The following JKAMP variants were observed in gnomAD, a reference collection of about 807,000 sequenced individuals.
JKAMP encodes the protein JNK1/MAPK8-associated membrane protein.
JKAMP carries 20 observed loss-of-function variants against 40.2 expected under a neutral mutation model. The observed-to-expected ratio is 0.50, with a 90% CI of 0.35 to 0.72. The LOEUF is 0.72. JKAMP is among the 30% of genes least tolerant of loss of function. The probability of loss-of-function intolerance (pLI) is 0.01; values close to 1 mark genes in which losing one functional copy is unlikely to be tolerated. For missense variants in JKAMP, 276 were observed against 373.0 expected, an observed-to-expected ratio of 0.74 and a Z score of 2.14; for synonymous variants, 138 against 131.6, an observed-to-expected ratio of 1.05 and a Z score of -0.33.
chr14:59,501,333 G>A (rs1171928079), intron 6 of JKAMP, 66 bp downstream of exon 6: 1 of 981,158 alleles, frequency 1.0e-6, no homozygotes, highest in Non-Finnish European at 1.6e-6. Flanking sequence ...TATCAGAATA[G>A]TCCATATGAT....
intron 5 of JKAMP, 184 bp from the exon 6 acceptor site, chr14:59,501,007 T>C (rs1891837584): frequency 1.8e-6 from 1 of 541,836 alleles, no homozygotes; most frequent in Non-Finnish European, 3.2e-6. Flanking sequence ...GCTGAAACTA[T>C]TTACTATCTT....
chr14:59,501,658 C>G (rs1891890658), intron 6 of JKAMP, among the ~76,000 whole-genome samples: 1 of 152,144 alleles, frequency 6.6e-6, no homozygotes, highest in South Asian at 2.1e-4. Context: ...CATTAATAGT[C>G]ATCAGTAATT....
chr14:59,491,676 G>A (rs547972345), intron 3 of JKAMP, among the ~76,000 whole-genome samples: 1 of 152,354 alleles, frequency 6.6e-6, no homozygotes, highest in Admixed American at 6.5e-5. Flanking sequence ...GATAAACTAT[G>A]TGAGACATTG....
intron 3 of JKAMP, among the ~76,000 whole-genome samples, chr14:59,491,851 G>A (rs1432328536): frequency 6.6e-6 from 1 of 152,236 alleles, no homozygotes; most frequent in African/African-American, 2.4e-5. Flanking sequence ...ACTGAATCTT[G>A]GGTAGCCTCT....
At chr14:59,495,291 A>T in intron 4 of JKAMP, 67 bp downstream of exon 4, 1 of 1,291,228 alleles carries the variant, frequency 7.7e-7, no homozygotes, top group South Asian at 1.2e-5. Flanking sequence ...TATAGATTTT[A>T]TGGCGTTTGG....
intron 1 of JKAMP, 107 bp from the exon 2 acceptor site, chr14:59,486,606 A>T: frequency 2.7e-6 from 2 of 738,710 alleles, no homozygotes; most frequent in South Asian, 3.2e-5. Context: ...AATACATATT[A>T]TTCAAAAATT....
chr14:59,498,793 G>A lies in JKAMP; in HGVS notation c.525G>A (p.Leu175=), dbSNP rs201090512. The A allele has an allele frequency of 6.2e-7, 1 of 1,603,940 alleles. No individual in the cohort carries two copies. The highest frequency in any genetic ancestry group is 1.1e-5 in the South Asian group (1 of 90,782). Residue 175 remains leucine, a synonymous_variant, in exon 5 of 7, where the codon CTG becomes CTA. Coordinates refer to ENST00000616435, the MANE Select transcript of JKAMP (RefSeq NM_016475.5). ...LVLMMLLRPL[L]VKKIACGLGK... is the part of the protein sequence containing the mutation. ...TAATGATGCTGCTCCGACCTCTTCT[G>A]GTGAAGAAGATTGCATGTGGGTTAG... is the stretch of plus-strand genomic sequence containing the variant.
chr14:59,502,296 T>G (rs536185427), intron 6 of JKAMP, among the ~76,000 whole-genome samples: 1 of 152,326 alleles, frequency 6.6e-6, no homozygotes, highest in Non-Finnish European at 1.5e-5. Flanking sequence ...AGCAGAAGTA[T>G]AAAGTGTCTC....
At position 59,504,806 on chromosome 14, in the gene JKAMP, A is replaced by G. The variant is rs1189481370; in HGVS notation, c.*734A>G. 2 of 153,546 alleles carry G rather than the reference A, an allele frequency of 1.3e-5. No homozygotes were observed. The highest frequency in any genetic ancestry group is 2.9e-5 in the Non-Finnish European group (2 of 68,776). The allele number at this position is 153,546 out of a possible 1,614,324, so 9.5% of individuals were successfully genotyped here. ...CCTCTCATATCTCGGGTATATATAC[A>G]TACCATATTTTATTGATCCAGAGAT... On this transcript the variant is annotated 3_prime_UTR_variant, in exon 7 of 7. Transcript: ENST00000616435.
chr14:59,491,374 A>G (rs1890990910), intron 3 of JKAMP, among the ~76,000 whole-genome samples: 1 of 152,220 alleles, frequency 6.6e-6, no homozygotes, highest in Non-Finnish European at 1.5e-5. Flanking sequence ...ATTGTATTTC[A>G]TTTTGTAAAG....
chr14:59,493,143 A>G (rs773298883), intron 3 of JKAMP, among the ~76,000 whole-genome samples: 2 of 152,200 alleles, frequency 1.3e-5, no homozygotes, highest in Non-Finnish European at 2.9e-5. Context: ...AGGTTTTACA[A>G]AAATAATGAG....
intron 5 of JKAMP, 31 bp downstream of exon 5, chr14:59,498,939 T>C: frequency 7.5e-7 from 1 of 1,339,778 alleles, no homozygotes; most frequent in Non-Finnish European, 1.0e-6. Context: ...CAATGAAATA[T>C]ATTTATTATT....
rs775885568 is a variant in JKAMP, at chr14:59,495,045, T to C, written c.279T>C (p.Thr93=). Reference sequence around the variant, plus strand: ...CCAGCGCACTTTTCCAACACATCACTGCATTATTTGAATGCAGCATGGCAG... The same window carrying C: ...CCAGCGCACTTTTCCAACACATCACCGCATTATTTGAATGCAGCATGGCAG... ...KSSSALFQHI[T]ALFECSMAAI... The change falls in exon 4 of 7, where the codon ACT becomes ACC. Residue 93 remains threonine, a synonymous_variant. Coordinates refer to ENST00000616435, the MANE Select transcript of JKAMP (RefSeq NM_016475.5). The C allele has an allele frequency of 3.7e-6, 6 of 1,613,890 alleles. No homozygotes were observed. The highest frequency in any genetic ancestry group is 5.1e-6 in the Non-Finnish European group (6 of 1,179,798).
rs1890387990 is a variant in JKAMP, at chr14:59,484,741, C to T, written c.4+148C>T. On this transcript the variant is annotated intron_variant, in intron 1 of 6. Coordinates refer to ENST00000616435, the MANE Select transcript of JKAMP (RefSeq NM_016475.5). The stretch of plus-strand genomic sequence containing the variant: ...ACCCCGCCCGCCCTCGGGCCGGGCT[C>T]CGCACTCCTGCGGGGTTGGGGTGGT... 33 of 1,087,168 alleles carry T rather than the reference C, an allele frequency of 3.0e-5. No homozygotes were observed. In the South Asian group the frequency reaches 4.4e-4, roughly 15 times the overall value. 67.3% of individuals were successfully genotyped at this position (1,087,168 alleles called of 1,614,324 possible). A position where few individuals can be genotyped will look rare whatever the true frequency, so the allele number is the denominator to read the frequency against.
intron 3 of JKAMP, among the ~76,000 whole-genome samples, chr14:59,494,575 T>C (rs1191660731): frequency 6.6e-6 from 1 of 152,198 alleles, no homozygotes; most frequent in Non-Finnish European, 1.5e-5. Flanking sequence ...GTTTGGTACA[T>C]GGTTGCCTCT....
rs1203031233 is a variant in JKAMP, at chr14:59,486,803, G to C, written c.95G>C (p.Gly32Ala). ...NGSTEIYGEC[G>A]VCPRGQRTNA... ...TCAACTGAAATATATGGAGAATGTG[G>C]GGTAAGTCTTATGTTTGTATCTTAT... Residue 32 changes from glycine (G) to alanine (A), a missense_variant and splice_region_variant, in exon 2 of 7, where the codon GGG becomes GCG. Transcript: ENST00000616435. The C allele has an allele frequency of 2.0e-6, 3 of 1,535,532 alleles. No homozygotes were observed. Among genetic ancestry groups the C allele is most frequent in the Non-Finnish European group, 2.7e-6 (3 of 1,121,622 alleles).
chr14:59,505,334 A>C lies in JKAMP; in HGVS notation c.*1262A>C, dbSNP rs771550199. 1 of 1,375,382 alleles carries C rather than the reference A, an allele frequency of 7.3e-7. No homozygotes were observed. The highest frequency in any genetic ancestry group is 2.4e-5 in the Admixed American group (1 of 41,596). 85.2% of individuals were successfully genotyped at this position (1,375,382 alleles called of 1,614,324 possible). ...TTCTTCTCTGTAGGAATAAAAAATA[A>C]ATATAAAAATTTTATTTGTATTGCA... On this transcript the variant is annotated 3_prime_UTR_variant, in exon 7 of 7. Coordinates refer to ENST00000616435, the MANE Select transcript of JKAMP (RefSeq NM_016475.5).
chr14:59,496,396 G>A (rs1301932560), intron 4 of JKAMP, among the ~76,000 whole-genome samples: 2 of 151,604 alleles, frequency 1.3e-5, no homozygotes, highest in Non-Finnish European at 2.9e-5. Context: ...ATAACTTAAC[G>A]TGGTCCTATT....
chr14:59,504,309 G>T lies in JKAMP; in HGVS notation c.*237G>T, dbSNP rs1892188614. 1 of 485,240 alleles carries T rather than the reference G, an allele frequency of 2.1e-6. No individual in the cohort carries two copies. Among genetic ancestry groups the T allele is most frequent in the Admixed American group, 3.7e-5 (1 of 27,198 alleles). 30.1% of individuals were successfully genotyped at this position (485,240 alleles called of 1,614,324 possible). A position where few individuals can be genotyped will look rare whatever the true frequency, so the allele number is the denominator to read the frequency against. ...TATCTGCTACACTGGAAGGCCGCTA[G>T]GAAGCCCTTGCTTCTCTCAACAGTT... is the stretch of plus-strand genomic sequence containing the variant. On this transcript the variant is annotated 3_prime_UTR_variant, in exon 7 of 7. Transcript: ENST00000616435.
Sources: gnomAD v4.1 joint callset for allele counts (sites outside exome capture counted in the v4.1 genomes callset) on GRCh38, gnomAD v4.1.1 for gene constraint, MANE v1.5 for transcripts, NCBI Gene and HGNC (gene_info 2026-07-23, HGNC 2026-07-21) for gene names.